Variants in GDI2 observed in about 807,000 individuals in gnomAD.
GDI2 encodes the protein GDP dissociation inhibitor 2.
GDI2 carries 22 observed loss-of-function variants against 54.2 expected under a neutral mutation model. That is an observed-to-expected ratio of 0.41 (90% CI 0.29 to 0.58). GDI2 has a LOEUF of 0.58. Ranked by LOEUF, GDI2 falls within the 20% of genes least tolerant of loss-of-function variation. GDI2 has a pLI of 0.35. For synonymous variants in GDI2, 177 were observed against 182.1 expected (o/e 0.97, Z 0.23); for missense variants, 422 against 546.0 (o/e 0.77, Z 2.26).
chr10:5,806,291 G>A (rs1841378654), intron 1 of GDI2, among the ~76,000 whole-genome samples: 1 of 151,886 alleles, frequency 6.6e-6, no homozygotes, highest in Non-Finnish European at 1.5e-5. Context: ...TTAATGATTA[G>A]GGACCGGGCA....
Position 5,813,419 on chromosome 10 carries a change from C to A in GDI2, c.-161G>T. 3.5e-6 allele frequency: 1 copy of A among 289,672 alleles called. No homozygotes were observed. Among genetic ancestry groups the A allele is most frequent in the Non-Finnish European group, 6.8e-6 (1 of 147,600 alleles). 17.9% of individuals were successfully genotyped at this position (289,672 alleles called of 1,614,324 possible). On this transcript the variant is annotated 5_prime_UTR_variant, in exon 1 of 11. Transcript: ENST00000380191. ...AGGCGAGACCGACCGCCACCTCAGACGGGAAGAGAAGAACTGGGCGGGGAG... is the reference window on the plus strand; with the variant it reads ...AGGCGAGACCGACCGCCACCTCAGAAGGGAAGAGAAGAACTGGGCGGGGAG...
At chr10:5,779,960 C>G (rs982441468) in intron 6 of GDI2, among the ~76,000 whole-genome samples, 2 of 152,096 alleles carry the variant, frequency 1.3e-5, no homozygotes, top group Admixed American at 6.5e-5. Flanking sequence ...TCCCAAAGTG[C>G]TGCAATTACA....
intron 5 of GDI2, 48 bp downstream of exon 5, chr10:5,785,804 T>C (rs1443353613): frequency 1.8e-6 from 2 of 1,129,588 alleles, no homozygotes; most frequent in South Asian, 1.3e-5. Flanking sequence ...TTGGGAAATT[T>C]AGTGAGAATT....
In GDI2 at chr10:5,766,515, A is replaced by G; in HGVS notation, c.1115T>C (p.Leu372Pro). 1.2e-6 allele frequency: 2 copies of G among 1,613,662 alleles called. No homozygotes were observed. Among genetic ancestry groups the G allele is most frequent in the Non-Finnish European group, 1.7e-6 (2 of 1,179,992 alleles). Residue 372 changes from leucine to proline, a missense_variant, in exon 9 of 11, where the codon CTC (leucine) becomes CCC (proline). Coordinates refer to ENST00000380191, the MANE Select transcript of GDI2 (RefSeq NM_001494.4). The surrounding 1 kb of genome is among the most constrained non-coding windows in gnomAD (Gnocchi z 5.8). ...PEKEIRPALE[L>P]LEPIEQKFVS... ...TCACTTCTGTTCAATTGGTTCCAAG[A>G]GCTCCAAAGCTGGTCTGATTTCCTT...
chr10:5,784,118 T>A (rs945721418), intron 6 of GDI2, among the ~76,000 whole-genome samples: 1 of 152,214 alleles, frequency 6.6e-6, no homozygotes, highest in African/African-American at 2.4e-5. Context: ...GGAGGCTGCG[T>A]TCATTTTTTT....
At position 5,813,336 on chromosome 10, in the gene GDI2, G is replaced by A; in HGVS notation, c.-78C>T. 2 of 1,036,972 alleles carry A rather than the reference G, an allele frequency of 1.9e-6. No individual in the cohort carries two copies. The allele number at this position is 1,036,972 out of a possible 1,614,324, so 64.2% of individuals were successfully genotyped here. On this transcript the variant is annotated 5_prime_UTR_variant, in exon 1 of 11. Coordinates refer to ENST00000380191, the MANE Select transcript of GDI2 (RefSeq NM_001494.4). ...CGTGACCACCCTACGAGGCTGGGAG[G>A]CGCTCTTGGGCGCGAAGGAAAGGGG...
chr10:5,797,568 A>AAAT (rs1841176002), intron 2 of GDI2, among the ~76,000 whole-genome samples: 1 of 145,110 alleles, frequency 6.9e-6, no homozygotes, highest in East Asian at 2.0e-4. Flanking sequence ...AAAAAAAAAA[A>AAAT]TTAGCGGGGT....
At chr10:5,800,926 G>C (rs1052494484) in intron 1 of GDI2, among the ~76,000 whole-genome samples, 3 of 151,996 alleles carry the variant, frequency 2.0e-5, no homozygotes, top group African/African-American at 7.2e-5. Context: ...ATAACACTAA[G>C]ACATTAGTCA....
intron 4 of GDI2, among the ~76,000 whole-genome samples, chr10:5,792,985 TTTC>T (rs1274611075): frequency 6.6e-6 from 1 of 150,508 alleles, no homozygotes; most frequent in South Asian, 2.1e-4. Context: ...AAAAATTCTA[TTTC>T]TTATTTTTAT....
chr10:5,782,469 A>T (rs559977341), intron 6 of GDI2, among the ~76,000 whole-genome samples: 8 of 152,228 alleles, frequency 5.3e-5, no homozygotes, highest in Non-Finnish European at 1.0e-4. Context: ...CACTCCCAGT[A>T]TTTACCCAAA....
At position 5,785,371 on chromosome 10, in the gene GDI2, CTTTTTTGT is replaced by C. The variant is rs925351471; in HGVS notation, c.588-106_588-99del. The C allele has an allele frequency of 2.4e-5, 20 of 818,604 alleles. 1 individual carries two copies. Among genetic ancestry groups the C allele is most frequent in the South Asian group, 2.1e-4 (11 of 53,620 alleles). 50.7% of individuals were successfully genotyped at this position (818,604 alleles called of 1,614,324 possible). On this transcript the variant is annotated intron_variant, in intron 5 of 10. Transcript: ENST00000380191. ...TGAAGCGATTTCAATCCGCTATCTT[CTTTTTTGT>C]TTTTTTGTTTTTTGAGACAGGGTCT...
chr10:5,796,180 T>C (rs931857315), intron 3 of GDI2, among the ~76,000 whole-genome samples: 2 of 151,852 alleles, frequency 1.3e-5, no homozygotes, highest in Non-Finnish European at 2.9e-5. Context: ...TAAAACCCTG[T>C]CTGTACTAAA....
At chr10:5,775,795 G>A (rs893045634) in intron 6 of GDI2, among the ~76,000 whole-genome samples, 9 of 152,202 alleles carry the variant, frequency 5.9e-5, no homozygotes, top group East Asian at 1.9e-4. Flanking sequence ...GAGGAGTAAC[G>A]TTTAAGAATA....
At chr10:5,772,577 T>C (rs1588967371) in intron 7 of GDI2, among the ~76,000 whole-genome samples, 1 of 151,888 alleles carries the variant, frequency 6.6e-6, no homozygotes, top group South Asian at 2.1e-4. Flanking sequence ...GCCAACATGG[T>C]GAAACCCCAT....
At position 5,813,243 on chromosome 10, in the gene GDI2, C is replaced by T; in HGVS notation, c.16G>A (p.Asp6Asn). 6.3e-7 allele frequency: 1 copy of T among 1,597,648 alleles called. No individual in the cohort carries two copies. Residue 6 changes from aspartate (D) to asparagine (N), a missense_variant, in exon 1 of 11, where the codon GAC (aspartate) becomes AAC (asparagine). Transcript: ENST00000380191. ...AGGCCGGTGCCCAGCACGATCACGT[C>T]GTACTCCTCATTCATGGCGGGGCAG... MNEEY[D>N]VIVLGTGLTE...
chr10:5,808,483 G>T (rs1841421329), intron 1 of GDI2, among the ~76,000 whole-genome samples: 2 of 152,006 alleles, frequency 1.3e-5, no homozygotes, highest in African/African-American at 4.8e-5. Flanking sequence ...AAACCAGCCT[G>T]GCCAACATGG....
chr10:5,777,482 C>A (rs1158611485), intron 6 of GDI2, among the ~76,000 whole-genome samples: 1 of 152,110 alleles, frequency 6.6e-6, no homozygotes, highest in Non-Finnish European at 1.5e-5. Context: ...TCAACACAGT[C>A]ATTTCTCAAA....
At chr10:5,791,892 G>C (rs1272672997) in intron 4 of GDI2, among the ~76,000 whole-genome samples, 1 of 152,124 alleles carries the variant, frequency 6.6e-6, no homozygotes, top group Non-Finnish European at 1.5e-5. Context: ...CTCTAGCCTG[G>C]GGGACAAAGA....
rs1181805903 is a variant in GDI2 at position 5,805,112 on chromosome 10, G to T, written c.46-4407C>A. Among the ~76,000 whole-genome samples the T allele has an allele frequency of 2.6e-5, 4 of 152,180 alleles. No homozygotes were observed. In the East Asian group the frequency reaches 5.8e-4, roughly 22 times the overall value. ...CTCCCAAAGTGCTGTGATTACAGGG[G>T]TGAGCCATGGCACCCGGCTACTATC... On this transcript the variant is annotated intron_variant, in intron 1 of 10. Coordinates refer to ENST00000380191, the MANE Select transcript of GDI2 (RefSeq NM_001494.4).
Sources: allele counts gnomAD v4.1 joint callset (sites outside exome capture counted in the v4.1 genomes callset), GRCh38; gene constraint gnomAD v4.1.1; non-coding constraint Gnocchi (gnomAD v3.1); transcripts MANE v1.5; gene names NCBI Gene and HGNC (gene_info 2026-07-23, HGNC 2026-07-21).